NPHP1: variants seen among roughly 807,000 people sequenced by gnomAD.
NPHP1 encodes nephrocystin-1.
Under a neutral mutation model 90.4 loss-of-function variants are expected in NPHP1, and 70 were observed. The observed-to-expected ratio is 0.77, with a 90% CI of 0.64 to 0.95. The LOEUF (loss-of-function observed/expected upper bound fraction) is 0.95. Ranked by LOEUF, NPHP1 falls within the 40% of genes least tolerant of loss-of-function variation. The pLI is 0.00. For synonymous variants in NPHP1, 256 were observed against 271.7 expected (o/e 0.94, Z 0.57); for missense variants, 764 against 795.9 (o/e 0.96, Z 0.48).
intron 2 of NPHP1, among the ~76,000 whole-genome samples, chr2:110,181,016 G>A (rs1410464455): frequency 6.6e-6 from 1 of 152,182 alleles, no homozygotes; most frequent in African/African-American, 2.4e-5. Context: ...AATCCAGGGA[G>A]CCAAGCAGCA....
chr2:110,156,651 T>A (rs180955763), intron 11 of NPHP1, among the ~76,000 whole-genome samples: 1 of 152,296 alleles, frequency 6.6e-6, no homozygotes, highest in Non-Finnish European at 1.5e-5. Context: ...GCCCAGAGTT[T>A]ACAATTACCC....
chr2:110,183,339 C>T (rs568440032), intron 2 of NPHP1, among the ~76,000 whole-genome samples: 6 of 152,288 alleles, frequency 3.9e-5, no homozygotes, highest in Middle Eastern at 3.4e-3. Context: ...ATAGCATGAG[C>T]GATCTGTGCC....
At chr2:110,143,008 A>G (rs1021605359) in intron 16 of NPHP1, among the ~76,000 whole-genome samples, 1 of 152,180 alleles carries the variant, frequency 6.6e-6, no homozygotes, top group Admixed American at 6.5e-5. Context: ...TTCCATTTGT[A>G]TGACATTTTG....
At chr2:110,184,413 C>T (rs1174877373) in intron 2 of NPHP1, 1 of 630,458 alleles carries the variant, frequency 1.6e-6, no homozygotes, top group East Asian at 2.9e-5. Flanking sequence ...CCCACAAAGA[C>T]ACCAGGAATG....
chr2:110,177,735 C>T (rs1263269442), intron 4 of NPHP1, among the ~76,000 whole-genome samples: 3 of 149,280 alleles, frequency 2.0e-5, no homozygotes, highest in Admixed American at 6.6e-5. Flanking sequence ...AATGCATGTC[C>T]CTACTTCAAT....
intron 11 of NPHP1, 40 bp downstream of exon 11, chr2:110,160,087 T>A: frequency 6.3e-7 from 1 of 1,597,516 alleles, no homozygotes; most frequent in Non-Finnish European, 8.6e-7. Context: ...TGTTTCTCCA[T>A]AATCCTAGTA....
intron 11 of NPHP1, 38 bp from the exon 12 acceptor site, chr2:110,150,294 G>C: frequency 1.9e-6 from 3 of 1,591,290 alleles, no homozygotes; most frequent in Non-Finnish European, 2.6e-6. Flanking sequence ...CATGTAAAAA[G>C]CTCTTTGAAA....
At chr2:110,204,778 G>C in intron 1 of NPHP1, 122 bp downstream of exon 1, 1 of 956,440 alleles carries the variant, frequency 1.0e-6, no homozygotes, top group Admixed American at 1.9e-5. Context: ...TACAACCTGG[G>C]AAGGTAAGTA....
intron 16 of NPHP1, among the ~76,000 whole-genome samples, chr2:110,132,645 C>T (rs1679876376): frequency 6.6e-6 from 1 of 152,270 alleles, no homozygotes; most frequent in South Asian, 2.1e-4. Context: ...CACAGCAAGA[C>T]TCTGTCTCAA....
intron 9 of NPHP1, among the ~76,000 whole-genome samples, chr2:110,162,029 A>G (rs1167358717): frequency 6.7e-6 from 1 of 148,160 alleles, no homozygotes; most frequent in Non-Finnish European, 1.5e-5. Context: ...TTCAGAAAAA[A>G]CAAAGTCGTT....
At chr2:110,126,826 A>C (rs1679404969) in intron 18 of NPHP1, 1 of 152,646 alleles carries the variant, frequency 6.6e-6, no homozygotes, top group African/African-American at 2.4e-5. Flanking sequence ...ATATGGTTTA[A>C]CGTGAGTATC....
chr2:110,179,767 G>A, intron 2 of NPHP1, 83 bp from the exon 3 acceptor site: 1 of 681,474 alleles, frequency 1.5e-6, no homozygotes, highest in East Asian at 2.9e-5. Flanking sequence ...TTCAGTCGTT[G>A]AGCAGGCAAG....
chr2:110,128,199 G>A (rs373360762), intron 18 of NPHP1: 1 of 152,030 alleles, frequency 6.6e-6, no homozygotes, highest in Admixed American at 6.6e-5. Flanking sequence ...TGTTTCTGCT[G>A]TCAGGTGCAT....
At chr2:110,176,570 T>C (rs1023370523) in intron 4 of NPHP1, among the ~76,000 whole-genome samples, 1 of 152,208 alleles carries the variant, frequency 6.6e-6, no homozygotes, top group Non-Finnish European at 1.5e-5. Flanking sequence ...TGGATTATGT[T>C]ATATTCCTCT....
Position 110,178,290 on chromosome 2 carries a change from A to G in NPHP1, c.329+133T>C, listed in dbSNP as rs2271245. The G allele has an allele frequency of 0.34, 308,038 of 901,298 alleles. 55,770 individuals are homozygous for G. The highest frequency in any genetic ancestry group is 0.58 in the East Asian group (23,305 of 40,238). The allele number at this position is 901,298 out of a possible 1,614,324, so 55.8% of individuals were successfully genotyped here. A position where few individuals can be genotyped will look rare whatever the true frequency, so the allele number is the denominator to read the frequency against. The stretch of plus-strand genomic sequence containing the variant: ...TAACACCTTCTATTATACACAATAA[A>G]TAAATGTTGACTGATTCTATTGTTA... On this transcript the variant is annotated intron_variant, in intron 4 of 19. Coordinates refer to ENST00000445609, the MANE Select transcript of NPHP1 (RefSeq NM_001128178.3).
intron 2 of NPHP1, among the ~76,000 whole-genome samples, chr2:110,196,935 A>G (rs1269183944): frequency 6.6e-6 from 1 of 152,196 alleles, no homozygotes; most frequent in Non-Finnish European, 1.5e-5. Flanking sequence ...GTTCTCATAG[A>G]ATACTGTGCA....
In NPHP1 at chr2:110,165,013, T is replaced by C. The variant is rs750200566; in HGVS notation, c.728+39A>G. 3 of 1,464,570 alleles carry C rather than the reference T, an allele frequency of 2.0e-6. 1 individual carries two copies. The South Asian group carries it at 3.4e-5, about 17-fold the overall frequency. The allele number at this position is 1,464,570 out of a possible 1,614,324, so 90.7% of individuals were successfully genotyped here. Reference sequence around the variant, plus strand: ...TAATAAAAATAAACAAATAAAATGTTTCCTAAACCTACTTTGATATCCTTT... The same window carrying C: ...TAATAAAAATAAACAAATAAAATGTCTCCTAAACCTACTTTGATATCCTTT... On this transcript the variant is annotated intron_variant, in intron 7 of 19. Coordinates refer to ENST00000445609, the MANE Select transcript of NPHP1 (RefSeq NM_001128178.3).
At chr2:110,143,898 T>G (rs1336539917) in intron 15 of NPHP1, 1 of 440,682 alleles carries the variant, frequency 2.3e-6, no homozygotes, top group African/African-American at 2.0e-5. Context: ...TAGAACCAAC[T>G]GCATCCCAGA....
chr2:110,134,748 T>C lies in NPHP1; in HGVS notation c.1530-2957A>G, dbSNP rs546194350. 3.9e-5 allele frequency among the ~76,000 whole-genome samples: 6 copies of C among 152,174 alleles called. No individual in the cohort carries two copies. In the South Asian group the frequency reaches 1.2e-3, roughly 32 times the overall value. ...AAGGGGAAAAACCCACATTATTTTCTCAATTGATGCTGAGAAAGCCTAAAA... is the reference window on the plus strand; with the variant it reads ...AAGGGGAAAAACCCACATTATTTTCCCAATTGATGCTGAGAAAGCCTAAAA... On this transcript the variant is annotated intron_variant, in intron 16 of 19. Transcript: ENST00000445609.
Sources: gnomAD v4.1 joint callset for allele counts (sites outside exome capture counted in the v4.1 genomes callset) on GRCh38, gnomAD v4.1.1 for gene constraint, MANE v1.5 for transcripts, NCBI Gene and HGNC (gene_info 2026-07-23, HGNC 2026-07-21) for gene names.